YIPF4: variants seen among roughly 807,000 people sequenced by gnomAD.
YIPF4 encodes the protein protein YIPF4.
Under a neutral mutation model 29.4 loss-of-function variants are expected in YIPF4, and 18 were observed. That is an observed-to-expected ratio of 0.61 (90% confidence interval 0.42 to 0.91). The LOEUF (loss-of-function observed/expected upper bound fraction) is 0.91, where lower values mean the gene tolerates loss of function less well. Ranked by LOEUF, YIPF4 falls within the 40% of genes least tolerant of loss-of-function variation. The probability of loss-of-function intolerance (pLI) is 0.00; values close to 1 mark genes in which losing one functional copy is unlikely to be tolerated. For synonymous variants in YIPF4, 115 were observed against 104.7 expected, an observed-to-expected ratio of 1.10 and a Z score of -0.60; for missense variants, 279 against 282.7, an observed-to-expected ratio of 0.99 and a Z score of 0.09.
rs189257910 is a variant in YIPF4, at chr2:32,299,765, T to C, written c.483+1454T>C. 2.0e-4 allele frequency among the ~76,000 whole-genome samples: 31 copies of C among 152,294 alleles called. No homozygotes were observed. The East Asian group carries it at 5.0e-3, about 25-fold the overall frequency. On this transcript the variant is annotated intron_variant, in intron 4 of 5. Coordinates refer to ENST00000238831, the MANE Select transcript of YIPF4 (RefSeq NM_032312.4). Reference sequence around the variant, plus strand: ...GGGTTATGGCTGTGGTGAGCTGTGTTCGTGCCACTGCACTGTAGCCTGGCC... The same window carrying C: ...GGGTTATGGCTGTGGTGAGCTGTGTCCGTGCCACTGCACTGTAGCCTGGCC...
intron 1 of YIPF4, among the ~76,000 whole-genome samples, chr2:32,286,796 G>T (rs550247612): frequency 1.2e-4 from 18 of 152,104 alleles, no homozygotes; most frequent in African/African-American, 4.1e-4. Flanking sequence ...TGCCCACCTC[G>T]ACTGGGATTA....
At chr2:32,281,903 A>AG (rs2030432394) in intron 1 of YIPF4, among the ~76,000 whole-genome samples, 1 of 144,812 alleles carries the variant, frequency 6.9e-6, no homozygotes, top group Non-Finnish European at 1.5e-5. Context: ...TCAAAAAAAA[A>AG]AAAAAAAAAA....
chr2:32,304,344 G>A (rs1163649377), intron 5 of YIPF4, among the ~76,000 whole-genome samples: 2 of 151,238 alleles, frequency 1.3e-5, no homozygotes, highest in Non-Finnish European at 2.9e-5. Context: ...AAATACAAAT[G>A]CAGTTTGATC....
At position 32,305,793 on chromosome 2, in the gene YIPF4, G is replaced by C. The variant is rs1291937548; in HGVS notation, c.*167G>C. 13 of 1,233,896 alleles carry C rather than the reference G, an allele frequency of 1.1e-5. No homozygotes were observed. Among genetic ancestry groups the C allele is most frequent in the Non-Finnish European group, 1.2e-5 (12 of 989,218 alleles). The allele number at this position is 1,233,896 out of a possible 1,614,324, so 76.4% of individuals were successfully genotyped here. The stretch of plus-strand genomic sequence containing the variant: ...ACAATTTTTTTTTGTATTTAATTAA[G>C]CAATTGCAGTTATCTGGGATTTTTG... On this transcript the variant is annotated 3_prime_UTR_variant, in exon 6 of 6. Transcript: ENST00000238831.
rs548852762 is a variant in YIPF4 at position 32,310,899 on chromosome 2, T to C, written c.*5273T>C. 1.3e-5 allele frequency: 2 copies of C among 151,196 alleles called. No individual in the cohort carries two copies. The highest frequency in any genetic ancestry group is 2.9e-5 in the Non-Finnish European group (2 of 67,816). 9.4% of individuals were successfully genotyped at this position (151,196 alleles called of 1,614,324 possible). ...TCAGAAAAGAAAAAAAAAGTAAAAATTGCATGTAAGTTGACCCGCACTATT... is the reference window on the plus strand; with the variant it reads ...TCAGAAAAGAAAAAAAAAGTAAAAACTGCATGTAAGTTGACCCGCACTATT... On this transcript the variant is annotated 3_prime_UTR_variant, in exon 6 of 6. Coordinates refer to ENST00000238831, the MANE Select transcript of YIPF4 (RefSeq NM_032312.4).
chr2:32,299,118 T>A (rs2031303138), intron 4 of YIPF4, among the ~76,000 whole-genome samples: 1 of 152,110 alleles, frequency 6.6e-6, no homozygotes, highest in South Asian at 2.1e-4. Context: ...TCTCAAGTGA[T>A]CTGCCTCAGC....
chr2:32,303,919 G>T (rs768789931), intron 5 of YIPF4, among the ~76,000 whole-genome samples: 2 of 151,962 alleles, frequency 1.3e-5, no homozygotes, highest in African/African-American at 4.8e-5. Flanking sequence ...TTTTCACTTG[G>T]GTTAAGCTTG....
At chr2:32,297,835 C>T (rs938538756) in intron 3 of YIPF4, among the ~76,000 whole-genome samples, 2 of 152,050 alleles carry the variant, frequency 1.3e-5, no homozygotes, top group African/African-American at 4.8e-5. Flanking sequence ...GAAATGGCTT[C>T]CATATTCCAT....
At position 32,309,642 on chromosome 2, in the gene YIPF4, C is replaced by T. The variant is rs1332425163; in HGVS notation, c.*4016C>T. The T allele has an allele frequency of 2.0e-5, 3 of 150,390 alleles. No individual in the cohort carries two copies. The highest frequency in any genetic ancestry group is 4.4e-5 in the Non-Finnish European group (3 of 67,808). The allele number at this position is 150,390 out of a possible 1,614,324, so 9.3% of individuals were successfully genotyped here. On this transcript the variant is annotated 3_prime_UTR_variant, in exon 6 of 6. Transcript: ENST00000238831. ...TTCTAAATATTCATTTTTGTTAGTG[C>T]ACATTTTATCCAGTTTTAGGCTTTA... is the stretch of plus-strand genomic sequence containing the variant.
intron 1 of YIPF4, among the ~76,000 whole-genome samples, chr2:32,288,491 A>G (rs1182049971): frequency 6.6e-6 from 1 of 152,062 alleles, no homozygotes; most frequent in Non-Finnish European, 1.5e-5. Flanking sequence ...TGATTTCTGG[A>G]TGTAAATCTT....
At position 32,312,487 on chromosome 2, in the gene YIPF4, C is replaced by CAAAAAAAAAAAAAAAAAA. The variant is rs35334643; in HGVS notation, c.*6876_*6893dup. 5.4e-5 allele frequency: 2 copies of CAAAAAAAAAAAAAAAAAA among 37,380 alleles called. No homozygotes were observed. Among genetic ancestry groups the CAAAAAAAAAAAAAAAAAA allele is most frequent in the African/African-American group, 2.6e-4 (2 of 7,618 alleles). The allele number at this position is 37,380 out of a possible 1,614,324, so 2.3% of individuals were successfully genotyped here. A position where few individuals can be genotyped will look rare whatever the true frequency, so the allele number is the denominator to read the frequency against. On this transcript the variant is annotated 3_prime_UTR_variant, in exon 6 of 6. Transcript: ENST00000238831. ...TGGGCGACAGAGCGAGAATCCGTCTCAAAAAAAAAAAAAAAAAAAAAAAAA... is the reference window on the plus strand; with the variant it reads ...TGGGCGACAGAGCGAGAATCCGTCTCAAAAAAAAAAAAAAAAAAAAAAAAAAAAAAAAAAAAAAAAAAA...
At chr2:32,282,670 G>A (rs2030478189) in intron 1 of YIPF4, among the ~76,000 whole-genome samples, 1 of 151,998 alleles carries the variant, frequency 6.6e-6, no homozygotes, top group Non-Finnish European at 1.5e-5. Context: ...CTGACCTCGT[G>A]ATCCACCCGC....
chr2:32,312,661 ACTGTG>A lies in YIPF4; in HGVS notation c.*7039_*7043del, dbSNP rs1207929460. ...TAACCCCTTCCTGTATGAACCTAGT[ACTGTG>A]CTGAGTGTAGGGATACAGTGATAAT... On this transcript the variant is annotated 3_prime_UTR_variant, in exon 6 of 6. Coordinates refer to ENST00000238831, the MANE Select transcript of YIPF4 (RefSeq NM_032312.4). 6.6e-6 allele frequency: 1 copy of A among 151,896 alleles called. No individual in the cohort carries two copies. The highest frequency in any genetic ancestry group is 2.4e-5 in the African/African-American group (1 of 41,352). The allele number at this position is 151,896 out of a possible 1,614,324, so 9.4% of individuals were successfully genotyped here. A position where few individuals can be genotyped will look rare whatever the true frequency, so the allele number is the denominator to read the frequency against.
rs114083929 is a variant in YIPF4 at position 32,297,026 on chromosome 2, C to A, written c.406-1208C>A. Among the ~76,000 whole-genome samples, 534 of 152,210 alleles carry A rather than the reference C, an allele frequency of 3.5e-3. 1 individual carries two copies. The highest frequency in any genetic ancestry group is 0.012 in the African/African-American group (508 of 41,514). ...GCATTCTGTCTCGTTTCAACATATC[C>A]CATTCTTTTTTTGAGTACTTCCTTT... On this transcript the variant is annotated intron_variant, in intron 3 of 5. Coordinates refer to ENST00000238831, the MANE Select transcript of YIPF4 (RefSeq NM_032312.4).
At position 32,311,915 on chromosome 2, in the gene YIPF4, T is replaced by C. The variant is rs2031723077; in HGVS notation, c.*6289T>C. 6.6e-6 allele frequency: 1 copy of C among 152,234 alleles called. No individual in the cohort carries two copies. The allele number at this position is 152,234 out of a possible 1,614,324, so 9.4% of individuals were successfully genotyped here. A position where few individuals can be genotyped will look rare whatever the true frequency, so the allele number is the denominator to read the frequency against. The stretch of plus-strand genomic sequence containing the variant: ...TGCATAATAAGCACTTGTTGAAGAA[T>C]AAATGATTAAGTTCAATATTTTTGC... On this transcript the variant is annotated 3_prime_UTR_variant, in exon 6 of 6. Transcript: ENST00000238831.
At position 32,306,336 on chromosome 2, in the gene YIPF4, C is replaced by G. The variant is rs1418112665; in HGVS notation, c.*710C>G. 1 of 985,482 alleles carries G rather than the reference C, an allele frequency of 1.0e-6. No homozygotes were observed. Among genetic ancestry groups the G allele is most frequent in the African/African-American group, 1.7e-5 (1 of 57,160 alleles). The allele number at this position is 985,482 out of a possible 1,614,324, so 61.0% of individuals were successfully genotyped here. A position where few individuals can be genotyped will look rare whatever the true frequency, so the allele number is the denominator to read the frequency against. On this transcript the variant is annotated 3_prime_UTR_variant, in exon 6 of 6. Coordinates refer to ENST00000238831, the MANE Select transcript of YIPF4 (RefSeq NM_032312.4). Reference sequence around the variant, plus strand: ...ACTTTTCAAAACCATTTTTGAATGTCCAAACATCTGATTTAAAGTTTCTGT... The same window carrying G: ...ACTTTTCAAAACCATTTTTGAATGTGCAAACATCTGATTTAAAGTTTCTGT...
At position 32,292,239 on chromosome 2, in the gene YIPF4, T is replaced by C; in HGVS notation, c.296T>C (p.Met99Thr). 1 of 1,603,770 alleles carries C rather than the reference T, an allele frequency of 6.2e-7. No individual in the cohort carries two copies. Among genetic ancestry groups the C allele is most frequent in the South Asian group, 1.1e-5 (1 of 88,782 alleles). ...YYKIRCVLMP[M>T]PSLGFNRQVV... Reference sequence around the variant, plus strand: ...AAAATCCGATGTGTTTTGATGCCAATGCCATCACTTGGTTTTAATAGACAA... The same window carrying C: ...AAAATCCGATGTGTTTTGATGCCAACGCCATCACTTGGTTTTAATAGACAA... The change falls in exon 3 of 6, where the codon ATG becomes ACG. Residue 99 changes from methionine (M) to threonine (T), a missense_variant. Physicochemically the swap from Met to Thr is moderately conservative, Grantham distance 81. Transcript: ENST00000238831.
At position 32,309,080 on chromosome 2, in the gene YIPF4, T is replaced by C. The variant is rs1254731613; in HGVS notation, c.*3454T>C. ...AATCTATATAATTAAGCATTGTTTT[T>C]TAAAAAGTAGTTTAGGAAGATTTGT... On this transcript the variant is annotated 3_prime_UTR_variant, in exon 6 of 6. Transcript: ENST00000238831. 5 of 152,130 alleles carry C rather than the reference T, an allele frequency of 3.3e-5. No individual in the cohort carries two copies. The highest frequency in any genetic ancestry group is 5.9e-5 in the Non-Finnish European group (4 of 68,018). The allele number at this position is 152,130 out of a possible 1,614,324, so 9.4% of individuals were successfully genotyped here. A position where few individuals can be genotyped will look rare whatever the true frequency, so the allele number is the denominator to read the frequency against.
chr2:32,286,188 G>C (rs530922271), intron 1 of YIPF4, among the ~76,000 whole-genome samples: 50 of 152,256 alleles, frequency 3.3e-4, no homozygotes, highest in Non-Finnish European at 5.7e-4. Flanking sequence ...ACACACAAAT[G>C]AGTGCATGTC....
Sources: allele counts gnomAD v4.1 joint callset (sites outside exome capture counted in the v4.1 genomes callset), GRCh38; gene constraint gnomAD v4.1.1; transcripts MANE v1.5; gene names NCBI Gene and HGNC (gene_info 2026-07-23, HGNC 2026-07-21).